The following IFT80 variants were observed in gnomAD, a reference collection of about 807,000 sequenced individuals.
The protein encoded by IFT80 is intraflagellar transport 80, also known as intraflagellar transport protein 80 homolog.
IFT80 carries 79 observed loss-of-function variants against 107.9 expected under a neutral mutation model. That is an observed-to-expected ratio of 0.73 (90% CI 0.61 to 0.88). The LOEUF is 0.88. Among genes scored for constraint, IFT80 ranks in the 40% least tolerant of loss-of-function variants. The pLI is 0.00. For missense variants in IFT80, 797 were observed against 914.2 expected (o/e 0.87, Z 1.65); for synonymous variants, 299 against 300.9 (o/e 0.99, Z 0.07).
chr3:160,285,796 T>A lies in IFT80; in HGVS notation c.1380+8A>T. 6.4e-7 allele frequency: 1 copy of A among 1,569,958 alleles called. No homozygotes were observed. The highest frequency in any genetic ancestry group is 2.2e-5 in the East Asian group (1 of 44,522). On this transcript the variant is annotated splice_region_variant and intron_variant, in intron 13 of 19. Coordinates refer to ENST00000326448, the MANE Select transcript of IFT80 (RefSeq NM_020800.3). ...CTATTTACATTAGAAGTAGTTAATG[T>A]CCATTACCTTATGAGAAAGAAACTT...
intron 9 of IFT80, among the ~76,000 whole-genome samples, chr3:160,313,534 T>C (rs2108288794): frequency 6.6e-6 from 1 of 151,618 alleles, no homozygotes; most frequent in African/African-American, 2.4e-5. Context: ...ATAAGAAAAC[T>C]AAAGGCACTC....
intron 5 of IFT80, among the ~76,000 whole-genome samples, chr3:160,370,997 T>C (rs770533769): frequency 2.6e-4 from 40 of 152,216 alleles, no homozygotes; most frequent in Admixed American, 3.9e-4. Context: ...GTCTAAAAGA[T>C]TGGCATTATC....
At chr3:160,281,763 A>G (rs1714707081) in intron 14 of IFT80, among the ~76,000 whole-genome samples, 1 of 152,196 alleles carries the variant, frequency 6.6e-6, no homozygotes, top group Non-Finnish European at 1.5e-5. Flanking sequence ...GTATAACTTT[A>G]GTAAACACAC....
intron 1 of IFT80, chr3:160,391,578 G>A (rs892968598): frequency 3.9e-5 from 6 of 152,164 alleles, no homozygotes; most frequent in African/African-American, 1.4e-4. Flanking sequence ...GGCTGAGGCA[G>A]GAGAATCGCT....
intron 19 of IFT80, among the ~76,000 whole-genome samples, chr3:160,264,583 C>T (rs1215303544): frequency 6.7e-6 from 1 of 149,392 alleles, no homozygotes. Flanking sequence ...AGGTGCATGT[C>T]ACCATGTCCA....
At position 160,317,087 on chromosome 3, in the gene IFT80, G is replaced by A. The variant is rs568858755; in HGVS notation, c.957+2673C>T. Among the ~76,000 whole-genome samples the A allele has an allele frequency of 1.2e-4, 18 of 151,784 alleles. No homozygotes were observed. In the South Asian group the frequency reaches 3.6e-3, roughly 30 times the overall value. The stretch of plus-strand genomic sequence containing the variant: ...AAACATTTTCAAGATAATAATCTAG[G>A]GGGTCCATAAAAACAAGGACCAAAT... On this transcript the variant is annotated intron_variant, in intron 9 of 19. Transcript: ENST00000326448.
chr3:160,259,382 A>C (rs1331743385), intron 19 of IFT80, among the ~76,000 whole-genome samples: 1 of 152,120 alleles, frequency 6.6e-6, no homozygotes. Flanking sequence ...GCCATTTTTC[A>C]AATAGGCTTC....
At chr3:160,340,800 G>A (rs1460615231) in intron 8 of IFT80, among the ~76,000 whole-genome samples, 3 of 152,128 alleles carry the variant, frequency 2.0e-5, no homozygotes, top group Non-Finnish European at 2.9e-5. Context: ...ACCCTTAATC[G>A]CATCTGCAAA....
At chr3:160,261,862 A>T (rs1185086153) in intron 19 of IFT80, among the ~76,000 whole-genome samples, 2 of 151,292 alleles carry the variant, frequency 1.3e-5, no homozygotes, top group African/African-American at 4.9e-5. Context: ...GTATATCTGG[A>T]GAAGGGCATG....
chr3:160,355,530 C>T (rs939200900), intron 8 of IFT80, among the ~76,000 whole-genome samples: 3 of 152,086 alleles, frequency 2.0e-5, no homozygotes, highest in Non-Finnish European at 4.4e-5. Context: ...GGATTACAGG[C>T]ATGAAACACC....
chr3:160,385,730 T>A (rs967633147), intron 1 of IFT80, among the ~76,000 whole-genome samples: 5 of 152,204 alleles, frequency 3.3e-5, no homozygotes, highest in African/African-American at 1.2e-4. Flanking sequence ...GCACACTTCT[T>A]AAGTTCACTT....
chr3:160,387,799 T>A (rs946591014), intron 1 of IFT80, among the ~76,000 whole-genome samples: 7 of 152,100 alleles, frequency 4.6e-5, no homozygotes, highest in African/African-American at 1.7e-4. Context: ...TTCAAAGCCA[T>A]GGAATAAGAT....
In IFT80 at chr3:160,316,805, G is replaced by A. The variant is rs187381757; in HGVS notation, c.957+2955C>T. ...CTAGGGAAAAAAAAGCACTCTTTCC[G>A]CTGAACTTGGAGTTGGTAGAATGTC... On this transcript the variant is annotated intron_variant, in intron 9 of 19. Coordinates refer to ENST00000326448, the MANE Select transcript of IFT80 (RefSeq NM_020800.3). 2.9e-3 allele frequency among the ~76,000 whole-genome samples: 443 copies of A among 152,164 alleles called. 2 individuals are homozygous for A. Among genetic ancestry groups the A allele is most frequent in the African/African-American group, 0.01 (427 of 41,510 alleles).
At chr3:160,307,808 T>C (rs1182539033) in intron 9 of IFT80, 27 bp from the exon 10 acceptor site, 1 of 1,146,794 alleles carries the variant, frequency 8.7e-7, no homozygotes, top group Admixed American at 1.7e-5. Context: ...AAAATACCAA[T>C]AAACATTATA....
chr3:160,329,411 A>T (rs1250689830), intron 8 of IFT80, among the ~76,000 whole-genome samples: 1 of 152,140 alleles, frequency 6.6e-6, no homozygotes, highest in East Asian at 1.9e-4. Flanking sequence ...TGAATTTTAA[A>T]TATCCCTCTT....
chr3:160,345,751 G>A (rs928119129), intron 8 of IFT80, among the ~76,000 whole-genome samples: 2 of 151,766 alleles, frequency 1.3e-5, no homozygotes, highest in Non-Finnish European at 2.9e-5. Context: ...AAGGGTCATG[G>A]GTTGGGGGAG....
intron 8 of IFT80, among the ~76,000 whole-genome samples, chr3:160,349,967 A>G (rs564839710): frequency 6.6e-6 from 1 of 152,174 alleles, no homozygotes; most frequent in Non-Finnish European, 1.5e-5. Context: ...CCCTCCAGAC[A>G]TTAGTTCTCA....
At chr3:160,341,519 C>G (rs1719895038) in intron 8 of IFT80, among the ~76,000 whole-genome samples, 2 of 152,010 alleles carry the variant, frequency 1.3e-5, no homozygotes, top group African/African-American at 4.8e-5. Flanking sequence ...TGCACCTACC[C>G]CAACCTGCCT....
At chr3:160,336,173 G>T (rs1719446820) in intron 8 of IFT80, among the ~76,000 whole-genome samples, 1 of 152,154 alleles carries the variant, frequency 6.6e-6, no homozygotes, top group Non-Finnish European at 1.5e-5. Context: ...GTATGGAATT[G>T]CTGGATCTAT....
Sources: allele counts gnomAD v4.1 joint callset (sites outside exome capture counted in the v4.1 genomes callset), GRCh38; gene constraint gnomAD v4.1.1; transcripts MANE v1.5; gene names NCBI Gene and HGNC (gene_info 2026-07-23, HGNC 2026-07-21).